The following ZFHX4 variants were observed in gnomAD, a reference collection of about 807,000 sequenced individuals.
ZFHX4 encodes zinc finger homeobox protein 4.
ZFHX4 carries 56 observed loss-of-function variants against 267.6 expected under a neutral mutation model. The observed-to-expected ratio is 0.21, with a 90% CI of 0.17 to 0.26. The LOEUF (loss-of-function observed/expected upper bound fraction) is 0.26. Ranked by LOEUF, ZFHX4 falls within the 10% of genes least tolerant of loss-of-function variation. The pLI is 1.00. For missense variants in ZFHX4, 4,332 were observed against 4,420.0 expected (o/e 0.98, Z 0.56); for synonymous variants, 1,778 against 1,665.6 (o/e 1.07, Z -1.64).
chr8:76,691,647 A>G (rs1323883347), intron 1 of ZFHX4, among the ~76,000 whole-genome samples: 2 of 152,152 alleles, frequency 1.3e-5, no homozygotes, highest in Non-Finnish European at 2.9e-5. Context: ...TATTCAACCT[A>G]TAAGATACCT....
intron 3 of ZFHX4, among the ~76,000 whole-genome samples, chr8:76,765,461 TAC>T (rs1810027337): frequency 6.6e-6 from 1 of 152,150 alleles, no homozygotes; most frequent in Admixed American, 6.6e-5. Context: ...AATGTAGCTT[TAC>T]TCAAATATTA....
At chr8:76,830,176 G>C (rs115997366) in intron 4 of ZFHX4, among the ~76,000 whole-genome samples, 2 of 152,120 alleles carry the variant, frequency 1.3e-5, no homozygotes, top group African/African-American at 4.8e-5. Context: ...TGTTGATGGC[G>C]ATTGGGATGA....
At chr8:76,774,099 C>A (rs1810342952) in intron 3 of ZFHX4, among the ~76,000 whole-genome samples, 1 of 152,098 alleles carries the variant, frequency 6.6e-6, no homozygotes. Context: ...GACTCCAAAT[C>A]CTGTAAGTTG....
At chr8:76,847,620 A>G (rs1215324312) in intron 6 of ZFHX4, among the ~76,000 whole-genome samples, 1 of 152,098 alleles carries the variant, frequency 6.6e-6, no homozygotes, top group Non-Finnish European at 1.5e-5. Context: ...ATTATATTTT[A>G]ATTTTGATCT....
At chr8:76,768,943 G>A (rs1410923283) in intron 3 of ZFHX4, among the ~76,000 whole-genome samples, 1 of 152,018 alleles carries the variant, frequency 6.6e-6, no homozygotes, top group Non-Finnish European at 1.5e-5. Context: ...ACAAAGATAA[G>A]AAAGTTGAGC....
At chr8:76,714,595 C>T (rs930782907) in intron 3 of ZFHX4, among the ~76,000 whole-genome samples, 2 of 152,184 alleles carry the variant, frequency 1.3e-5, no homozygotes, top group East Asian at 1.9e-4. Context: ...AAGAGGATGG[C>T]GATTAGTATA....
At position 76,863,546 on chromosome 8, in the gene ZFHX4, C is replaced by T. The variant is rs760985369; in HGVS notation, c.9832C>T (p.Leu3278Phe). The T allele has an allele frequency of 9.9e-6, 16 of 1,613,642 alleles. No individual in the cohort carries two copies. The highest frequency in any genetic ancestry group is 1.4e-5 in the Non-Finnish European group (16 of 1,179,816). ...GTTTGCTTCTTATTTTACACCTCAG[C>T]TCCCTGGAACAGTGCAGGGGGGATA... Reference protein sequence around the residue: ...PGFASYFTPQLPGTVQGGYFP... With the variant: ...PGFASYFTPQFPGTVQGGYFP... Residue 3278 changes from leucine to phenylalanine, a missense_variant, in exon 11 of 11, where the codon CTC (leucine) becomes TTC (phenylalanine). This residue lies in a region of ZFHX4 where 1,648 missense variants were observed against 1,625.0 expected (regional missense o/e 1.01). Coordinates refer to ENST00000651372, the MANE Select transcript of ZFHX4 (RefSeq NM_024721.5).
At chr8:76,766,944 GT>G (rs1810066514) in intron 3 of ZFHX4, among the ~76,000 whole-genome samples, 2 of 151,840 alleles carry the variant, frequency 1.3e-5, no homozygotes, top group African/African-American at 4.8e-5. Context: ...AATTAATGTA[GT>G]TTTTTTCCCT....
At chr8:76,733,390 A>G (rs1463131330) in intron 3 of ZFHX4, 1 of 152,290 alleles carries the variant, frequency 6.6e-6, no homozygotes, top group Non-Finnish European at 1.5e-5. Context: ...GAGGCATACT[A>G]GTGGTAGTGA....
chr8:76,739,806 A>G (rs1809267929), intron 3 of ZFHX4, among the ~76,000 whole-genome samples: 1 of 152,214 alleles, frequency 6.6e-6, no homozygotes, highest in South Asian at 2.1e-4. Flanking sequence ...TGATATGAAT[A>G]TATAATGTTT....
In ZFHX4 at chr8:76,854,652, C is replaced by T; in HGVS notation, c.7731C>T (p.Ser2577=). 1 of 1,613,706 alleles carries T rather than the reference C, an allele frequency of 6.2e-7. No homozygotes were observed. The highest frequency in any genetic ancestry group is 8.5e-7 in the Non-Finnish European group (1 of 1,179,860). ...CAGCCCCCACAACGGTTGCTGCTTCCCTAAAAAGGAAACTAGACGATAAAG... is the reference window on the plus strand; with the variant it reads ...CAGCCCCCACAACGGTTGCTGCTTCTCTAAAAAGGAAACTAGACGATAAAG... ...HTTAPTTVAA[S]LKRKLDDKED... Residue 2577 remains serine (S), a synonymous_variant, in exon 10 of 11, where the codon TCC becomes TCT. Coordinates refer to ENST00000651372, the MANE Select transcript of ZFHX4 (RefSeq NM_024721.5).
Position 76,863,703 on chromosome 8 carries a change from T to C in ZFHX4, c.9989T>C (p.Leu3330Pro), listed in dbSNP as rs752394642. The C allele has an allele frequency of 2.5e-6, 4 of 1,577,324 alleles. No individual in the cohort carries two copies. Among genetic ancestry groups the C allele is most frequent in the Admixed American group, 3.8e-5 (2 of 52,906 alleles). Residue 3330 changes from leucine (L) to proline (P), a missense_variant, in exon 11 of 11, where the codon CTG (leucine) becomes CCG (proline). By Grantham distance (98) the Leu-to-Pro change is moderately conservative. This residue lies in a region of ZFHX4 where 1,648 missense variants were observed against 1,625.0 expected (regional missense o/e 1.01). Coordinates refer to ENST00000651372, the MANE Select transcript of ZFHX4 (RefSeq NM_024721.5). ...QQYQQNLQES[L>P]QKQQKQQQEQ... ...TATCAGCAGAACCTGCAGGAGTCCC[T>C]GCAAAAGCAGCAAAAGCAACAGCAA...
chr8:76,747,184 G>A (rs1809480651), intron 3 of ZFHX4, among the ~76,000 whole-genome samples: 1 of 151,912 alleles, frequency 6.6e-6, no homozygotes, highest in African/African-American at 2.4e-5. Flanking sequence ...TAGGTATTTG[G>A]TTCTCAAGAG....
chr8:76,821,785 C>T (rs971147184), intron 4 of ZFHX4, among the ~76,000 whole-genome samples: 11 of 152,126 alleles, frequency 7.2e-5, no homozygotes, highest in African/African-American at 2.7e-4. Flanking sequence ...TAAATATTGT[C>T]GATGATAAAT....
chr8:76,799,234 G>A (rs902446900), intron 4 of ZFHX4, among the ~76,000 whole-genome samples: 2 of 152,056 alleles, frequency 1.3e-5, no homozygotes, highest in African/African-American at 4.8e-5. Context: ...TCTCAGTGGT[G>A]CCTCTCCTTC....
In ZFHX4 at chr8:76,853,961, G is replaced by C. The variant is rs906946400; in HGVS notation, c.7040G>C (p.Ser2347Thr). The C allele has an allele frequency of 1.2e-6, 2 of 1,613,724 alleles. No homozygotes were observed. The highest frequency in any genetic ancestry group is 1.7e-6 in the Non-Finnish European group (2 of 1,179,868). The change falls in exon 10 of 11, where the codon AGC (serine) becomes ACC (threonine). Residue 2347 changes from serine (S) to threonine (T), a missense_variant. Physicochemically the swap from Ser to Thr is moderately conservative, Grantham distance 58. Transcript: ENST00000651372. ...KDEDDDAQDE[S>T]QTEDSMDATD... ...GAAGATGATGATGCCCAAGATGAAA[G>C]CCAAACAGAAGACTCCATGGATGCC...
At position 76,855,946 on chromosome 8, in the gene ZFHX4, T is replaced by C. The variant is rs1356179841; in HGVS notation, c.9025T>C (p.Cys3009Arg). 6.2e-7 allele frequency: 1 copy of C among 1,613,670 alleles called. No individual in the cohort carries two copies. The highest frequency in any genetic ancestry group is 1.3e-5 in the African/African-American group (1 of 74,888). Reference protein sequence around the residue: ...QGGTEGTKPECTLCGVKYSAR... With the variant: ...QGGTEGTKPERTLCGVKYSAR... ...CGGAACGGAAGGCACCAAACCAGAG[T>C]GTACCCTCTGCGGGGTGAAGTACTC... Residue 3009 changes from cysteine (C) to arginine (R), a missense_variant, in exon 10 of 11, where the codon TGT (cysteine) becomes CGT (arginine). This residue lies in a region of ZFHX4 where 1,648 missense variants were observed against 1,625.0 expected (regional missense o/e 1.01). Coordinates refer to ENST00000651372, the MANE Select transcript of ZFHX4 (RefSeq NM_024721.5).
At chr8:76,774,586 T>C (rs1810355715) in intron 3 of ZFHX4, among the ~76,000 whole-genome samples, 1 of 152,066 alleles carries the variant, frequency 6.6e-6, no homozygotes, top group African/African-American at 2.4e-5. Flanking sequence ...AAAGGAGATA[T>C]ACAAAATATC....
intron 4 of ZFHX4, among the ~76,000 whole-genome samples, chr8:76,832,229 T>C (rs987046368): frequency 6.6e-6 from 1 of 152,200 alleles, no homozygotes; most frequent in Non-Finnish European, 1.5e-5. Context: ...CCTTTGGCAG[T>C]TAAGAATTAT....
Sources: allele counts gnomAD v4.1 joint callset (sites outside exome capture counted in the v4.1 genomes callset), GRCh38; gene constraint gnomAD v4.1.1; regional missense constraint gnomAD v4.1.1; transcripts MANE v1.5; gene names NCBI Gene and HGNC (gene_info 2026-07-23, HGNC 2026-07-21).